Variants in CDK19 observed in about 807,000 individuals in gnomAD.
CDK19 encodes the protein cyclin-dependent kinase 19.
A neutral mutation model predicts 68.3 loss-of-function variants in CDK19; 20 were observed. That is an observed-to-expected ratio of 0.29 (90% CI 0.21 to 0.43). The LOEUF (loss-of-function observed/expected upper bound fraction) is 0.43, where lower values mean the gene tolerates loss of function less well. Among genes scored for constraint, CDK19 ranks in the 20% least tolerant of loss-of-function variants. The probability of loss-of-function intolerance (pLI) is 1.00; values close to 1 mark genes in which losing one functional copy is unlikely to be tolerated. For synonymous variants in CDK19, 221 were observed against 222.8 expected (o/e 0.99, Z 0.07); for missense variants, 339 against 623.5 (o/e 0.54, Z 4.86).
At chr6:110,689,508 C>T (rs56234448) in intron 2 of CDK19, among the ~76,000 whole-genome samples, 1 of 152,274 alleles carries the variant, frequency 6.6e-6, no homozygotes, top group Non-Finnish European at 1.5e-5. Context: ...TCCATTAAAG[C>T]ATCTCCAGGT....
At chr6:110,631,503 G>A (rs1422759490) in intron 6 of CDK19, among the ~76,000 whole-genome samples, 3 of 152,152 alleles carry the variant, frequency 2.0e-5, no homozygotes, top group Non-Finnish European at 4.4e-5. Context: ...ATGGCAAGAC[G>A]CTGAGCACAG....
At chr6:110,623,879 G>GTA (rs554293289) in intron 8 of CDK19, among the ~76,000 whole-genome samples, 3 of 113,526 alleles carry the variant, frequency 2.6e-5, no homozygotes, top group Non-Finnish European at 5.4e-5. Context: ...GTATATATAC[G>GTA]TATATATATA....
chr6:110,717,787 T>C (rs1775520314), intron 2 of CDK19, among the ~76,000 whole-genome samples: 1 of 152,170 alleles, frequency 6.6e-6, no homozygotes, highest in Non-Finnish European at 1.5e-5. Flanking sequence ...CCGCAACCTC[T>C]GCCTCCTGGG....
chr6:110,736,855 T>C (rs1233088505), intron 2 of CDK19, among the ~76,000 whole-genome samples: 1 of 152,220 alleles, frequency 6.6e-6, no homozygotes, highest in East Asian at 1.9e-4. Flanking sequence ...TCTGCATTTA[T>C]ATCACTAGCA....
chr6:110,782,643 C>A (rs913050885), intron 1 of CDK19, among the ~76,000 whole-genome samples: 4 of 152,024 alleles, frequency 2.6e-5, no homozygotes, highest in Admixed American at 2.6e-4. Flanking sequence ...TACTTGTTTG[C>A]ATGTTATGAC....
chr6:110,695,157 A>AAGAAAGGAAAGG (rs1773362311), intron 2 of CDK19, among the ~76,000 whole-genome samples: 1 of 151,878 alleles, frequency 6.6e-6, no homozygotes, highest in African/African-American at 2.4e-5. Context: ...GAAAGGAAAG[A>AAGAAAGGAAAGG]AGAAAGGAAA....
intron 2 of CDK19, among the ~76,000 whole-genome samples, chr6:110,744,810 C>T (rs1445843657): frequency 6.6e-6 from 1 of 152,164 alleles, no homozygotes; most frequent in Non-Finnish European, 1.5e-5. Context: ...CTGATCACTA[C>T]TTAGCTACTA....
Position 110,707,352 on chromosome 6 carries a change from A to G in CDK19, c.205-36811T>C, listed in dbSNP as rs533317867. On this transcript the variant is annotated intron_variant, in intron 2 of 12. Transcript: ENST00000368911. The stretch of plus-strand genomic sequence containing the variant: ...CTCTGTCTCAAAAACAAACAAAACA[A>G]AACAAAAAAACTGAGAAGGCTGAAA... Among the ~76,000 whole-genome samples the G allele has an allele frequency of 4.0e-4, 61 of 151,936 alleles. No individual in the cohort carries two copies. In the South Asian group the frequency reaches 0.012, roughly 30 times the overall value.
chr6:110,636,995 A>C (rs1439040840), intron 5 of CDK19, among the ~76,000 whole-genome samples: 1 of 152,264 alleles, frequency 6.6e-6, no homozygotes, highest in Admixed American at 6.5e-5. Context: ...GTGAGATCAC[A>C]CCAGACAGCT....
chr6:110,801,260 G>A (rs934276055), intron 1 of CDK19, among the ~76,000 whole-genome samples: 3 of 152,122 alleles, frequency 2.0e-5, no homozygotes, highest in Admixed American at 6.5e-5. Context: ...CAAGGTGGGA[G>A]GACTGCTTGA....
At chr6:110,662,539 C>T (rs1208266513) in intron 4 of CDK19, among the ~76,000 whole-genome samples, 1 of 152,016 alleles carries the variant, frequency 6.6e-6, no homozygotes, top group Non-Finnish European at 1.5e-5. Flanking sequence ...TTGCCAGATG[C>T]CTTGCTGAAA....
chr6:110,695,133 G>T (rs1445824886), intron 2 of CDK19, among the ~76,000 whole-genome samples: 2 of 146,092 alleles, frequency 1.4e-5, no homozygotes, highest in Admixed American at 6.7e-5. Context: ...GGGTAAAGGG[G>T]AAAGGGGAAA....
chr6:110,626,134 C>T (rs1268525099), intron 8 of CDK19, among the ~76,000 whole-genome samples: 1 of 152,190 alleles, frequency 6.6e-6, no homozygotes, highest in Non-Finnish European at 1.5e-5. Context: ...CAACTGTGGC[C>T]TAGAACTGAG....
chr6:110,720,446 T>G (rs1775776324), intron 2 of CDK19, among the ~76,000 whole-genome samples: 1 of 152,218 alleles, frequency 6.6e-6, no homozygotes, highest in Admixed American at 6.5e-5. Flanking sequence ...AAGCCACTTT[T>G]CACTGTTTTA....
At chr6:110,792,386 A>C (rs1781658504) in intron 1 of CDK19, among the ~76,000 whole-genome samples, 1 of 151,708 alleles carries the variant, frequency 6.6e-6, no homozygotes, top group Non-Finnish European at 1.5e-5. Flanking sequence ...TTCTTTCCTA[A>C]TATAATAAAC....
intron 1 of CDK19, among the ~76,000 whole-genome samples, chr6:110,750,993 G>A (rs1382922688): frequency 6.6e-6 from 1 of 151,936 alleles, no homozygotes; most frequent in Non-Finnish European, 1.5e-5. Context: ...ATGCCACCAC[G>A]CCCAGCTAAT....
rs201149101 is a variant in CDK19, at chr6:110,769,576, A to AT, written c.129-23376_129-23375insA. Among the ~76,000 whole-genome samples, 1,336 of 150,196 alleles carry AT rather than the reference A, an allele frequency of 8.9e-3. 16 individuals are homozygous for AT. Among genetic ancestry groups the AT allele is most frequent in the African/African-American group, 0.031 (1,256 of 40,766 alleles). ...CAAGATTCCATCTCAAAAAAAAAAA[A>AT]AAATAATAATAATAATAATAATAGG... On this transcript the variant is annotated intron_variant, in intron 1 of 12. Transcript: ENST00000368911.
intron 1 of CDK19, among the ~76,000 whole-genome samples, chr6:110,792,268 CCTTT>C (rs1447256281): frequency 1.3e-5 from 2 of 152,024 alleles, no homozygotes; most frequent in African/African-American, 4.8e-5. Context: ...CGCGCCTGGC[CCTTT>C]ATTTATTTTT....
At chr6:110,704,131 A>C (rs535142382) in intron 2 of CDK19, among the ~76,000 whole-genome samples, 2 of 152,330 alleles carry the variant, frequency 1.3e-5, no homozygotes, top group Admixed American at 6.5e-5. Context: ...ATTACAACAC[A>C]ATCTATTGCC....
Sources: gnomAD v4.1 joint callset for allele counts (sites outside exome capture counted in the v4.1 genomes callset) on GRCh38, gnomAD v4.1.1 for gene constraint, MANE v1.5 for transcripts, NCBI Gene and HGNC (gene_info 2026-07-23, HGNC 2026-07-21) for gene names.